CCNJL: variants seen among roughly 807,000 people sequenced by gnomAD.
CCNJL encodes cyclin-J-like protein.
CCNJL carries 33 observed loss-of-function variants against 33.4 expected under a neutral mutation model. The ratio of observed to expected loss-of-function variants is 0.99; its 90% confidence interval spans 0.75 to 1.32. The LOEUF is 1.32. Among genes scored for constraint, CCNJL ranks in the 40% most tolerant of loss-of-function variants. CCNJL has a pLI of 0.00. For synonymous variants in CCNJL, 227 were observed against 220.9 expected, an observed-to-expected ratio of 1.03 and a Z score of -0.24; for missense variants, 512 against 499.7, an observed-to-expected ratio of 1.02 and a Z score of -0.23.
chr5:160,333,538 C>T (rs535508668), intron 1 of CCNJL, among the ~76,000 whole-genome samples: 1 of 151,606 alleles, frequency 6.6e-6, no homozygotes, highest in Non-Finnish European at 1.5e-5. Context: ...CTGCAGTCAC[C>T]CATGATCACA....
intron 1 of CCNJL, among the ~76,000 whole-genome samples, chr5:160,327,959 ACC>A (rs1398343067): frequency 3.3e-5 from 5 of 152,066 alleles, no homozygotes; most frequent in African/African-American, 1.2e-4. Context: ...GTGATCAGAC[ACC>A]CCCTGACACT....
At chr5:160,257,672 G>C (rs1244109073) in intron 4 of CCNJL, among the ~76,000 whole-genome samples, 1 of 151,600 alleles carries the variant, frequency 6.6e-6, no homozygotes, top group Non-Finnish European at 1.5e-5. Flanking sequence ...AAAAAAATAA[G>C]CGCAACCTTG....
intron 2 of CCNJL, among the ~76,000 whole-genome samples, chr5:160,283,574 C>T (rs1484077485): frequency 4.6e-5 from 7 of 152,148 alleles, no homozygotes; most frequent in African/African-American, 1.2e-4. Context: ...ATAATCACAT[C>T]GTGGAGAATG....
At chr5:160,253,906 G>A (rs1760939723) in intron 5 of CCNJL, 108 bp from the exon 6 acceptor site, 1 of 803,308 alleles carries the variant, frequency 1.2e-6, no homozygotes, top group South Asian at 2.1e-5. Context: ...CGTGTGTCCT[G>A]TGTCCACCAG....
Position 160,255,684 on chromosome 5 carries a change from G to A in CCNJL, c.608C>T (p.Pro203Leu). 4 of 1,613,986 alleles carry A rather than the reference G, an allele frequency of 2.5e-6. No individual in the cohort carries two copies. The highest frequency in any genetic ancestry group is 2.5e-6 in the Non-Finnish European group (3 of 1,180,024). Residue 203 changes from proline to leucine, a missense_variant, in exon 5 of 6, where the codon CCT (proline) becomes CTT (leucine). Coordinates refer to ENST00000257536, the MANE Select transcript of CCNJL (RefSeq NM_001308173.3). Reference protein sequence around the residue: ...LQDHIFYKFQPSVVAAACVGA... With the variant: ...LQDHIFYKFQLSVVAAACVGA... ...AACACAGGCCGCAGCGACCACAGAA[G>A]GCTGGAATTTGTAGAATATGTGATC...
At chr5:160,257,336 G>A (rs1008452492) in intron 4 of CCNJL, among the ~76,000 whole-genome samples, 26 of 151,986 alleles carry the variant, frequency 1.7e-4, no homozygotes, top group African/African-American at 5.6e-4. Context: ...TTAGCCAGGC[G>A]TGGTGGCGGG....
At chr5:160,295,643 G>A (rs913092335) in intron 2 of CCNJL, among the ~76,000 whole-genome samples, 2 of 152,186 alleles carry the variant, frequency 1.3e-5, no homozygotes, top group African/African-American at 2.4e-5. Context: ...GGTGAGGACA[G>A]ACAAGGAGGA....
intron 2 of CCNJL, among the ~76,000 whole-genome samples, chr5:160,286,409 G>A (rs943012113): frequency 2.6e-5 from 4 of 152,110 alleles, no homozygotes; most frequent in Non-Finnish European, 5.9e-5. Flanking sequence ...AGGCCAAGGT[G>A]GGCGGATCGC....
rs1763278162 is a variant in CCNJL at position 160,311,964 on chromosome 5, G to A, written c.-41C>T. 1 of 1,599,124 alleles carries A rather than the reference G, an allele frequency of 6.3e-7. No homozygotes were observed. Among genetic ancestry groups the A allele is most frequent in the Non-Finnish European group, 8.6e-7 (1 of 1,166,862 alleles). ...GCTATCCGAGGCTACCCGGCTCTCA[G>A]GGCGCACCCTGCGTGGACACGGGCA... On this transcript the variant is annotated 5_prime_UTR_variant, in exon 2 of 6. Coordinates refer to ENST00000257536, the MANE Select transcript of CCNJL (RefSeq NM_001308173.3).
intron 2 of CCNJL, 139 bp downstream of exon 2, chr5:160,311,719 C>T: frequency 1.3e-6 from 1 of 760,404 alleles, no homozygotes; most frequent in Non-Finnish European, 2.3e-6. Context: ...TCAGACACTC[C>T]GGGAGAAGGT....
intron 2 of CCNJL, among the ~76,000 whole-genome samples, chr5:160,283,010 C>CATATATATATATAT (rs1160073062): frequency 3.6e-5 from 1 of 27,948 alleles, no homozygotes; most frequent in Non-Finnish European, 6.0e-5. Context: ...TATATATATA[C>CATATATATATATAT]ATATATATAT....
chr5:160,269,631 G>C (rs531461879), intron 3 of CCNJL: 2 of 376,056 alleles, frequency 5.3e-6, no homozygotes. Context: ...CCAGATACAA[G>C]AGCTGGTCCT....
At chr5:160,335,748 A>ATTTGTT (rs1455695161) in intron 1 of CCNJL, among the ~76,000 whole-genome samples, 33 of 125,678 alleles carry the variant, frequency 2.6e-4, no homozygotes, top group African/African-American at 8.0e-4. Context: ...TTTTTTTTGA[A>ATTTGTT]ATTTTTTTTT....
chr5:160,308,662 G>A (rs1763168991), intron 2 of CCNJL, among the ~76,000 whole-genome samples: 1 of 152,238 alleles, frequency 6.6e-6, no homozygotes, highest in Non-Finnish European at 1.5e-5. Context: ...GGAGGCTGAG[G>A]CAGGAGAATG....
At chr5:160,330,423 G>A (rs560693680) in intron 1 of CCNJL, among the ~76,000 whole-genome samples, 1 of 152,294 alleles carries the variant, frequency 6.6e-6, no homozygotes, top group South Asian at 2.1e-4. Context: ...GCCTTAAGTG[G>A]TGGCTGTGTT....
chr5:160,338,884 G>A (rs1017562686), intron 1 of CCNJL, among the ~76,000 whole-genome samples: 11 of 151,896 alleles, frequency 7.2e-5, no homozygotes, highest in Non-Finnish European at 1.5e-4. Context: ...TTCTACCTCC[G>A]GGTCCAAGCG....
chr5:160,315,582 TACGATCCCA>T (rs1763372509), upstream of CCNJL: 3 of 83,698 alleles, frequency 3.6e-5, no homozygotes, highest in East Asian at 3.2e-4. Context: ...AAGATTAGAG[TACGATCCCA>T]GTTAAACTAC....
chr5:160,301,241 G>T (rs1289860015), intron 2 of CCNJL, among the ~76,000 whole-genome samples: 1 of 152,162 alleles, frequency 6.6e-6, no homozygotes, highest in Non-Finnish European at 1.5e-5. Context: ...CAACGACATG[G>T]ATGAATCTCA....
At chr5:160,254,290 A>G in intron 5 of CCNJL, 1 of 659,326 alleles carries the variant, frequency 1.5e-6, no homozygotes, top group Non-Finnish European at 2.7e-6. Context: ...GCTGATATCA[A>G]CCAAATTGAC....
Sources: gnomAD v4.1 joint callset for allele counts (sites outside exome capture counted in the v4.1 genomes callset) on GRCh38, gnomAD v4.1.1 for gene constraint, MANE v1.5 for transcripts, NCBI Gene and HGNC (gene_info 2026-07-23, HGNC 2026-07-21) for gene names.